The following CLK4 variants were observed in gnomAD, a reference collection of about 807,000 sequenced individuals.
The protein encoded by CLK4 is CDC like kinase 4.
CLK4 carries 37 observed loss-of-function variants against 64.4 expected under a neutral mutation model. The ratio of observed to expected loss-of-function variants is 0.57; its 90% CI spans 0.44 to 0.76. The LOEUF (loss-of-function observed/expected upper bound fraction) is 0.76, where lower values mean the gene tolerates loss of function less well. Among genes scored for constraint, CLK4 ranks in the 30% least tolerant of loss-of-function variants. The pLI is 0.00. For synonymous variants in CLK4, 175 were observed against 191.6 expected (o/e 0.91, Z 0.72); for missense variants, 457 against 605.1 (o/e 0.76, Z 2.57).
Position 178,613,611 on chromosome 5 carries a change from C to G in CLK4, c.688G>C (p.Asp230His). The change falls in exon 7 of 13, where the codon GAT (aspartate) becomes CAT (histidine). Residue 230 changes from aspartate to histidine, a missense_variant. By Grantham distance (81) the Asp-to-His change is moderately conservative (BLOSUM62 -1). Transcript: ENST00000316308. Reference protein sequence around the residue: ...FRCVQMLEWFDHHGHVCIVFE... With the variant: ...FRCVQMLEWFHHHGHVCIVFE... ...ACAATACAAACATGACCATGATGAT[C>G]AAACCATTCTAGCATCTGGACACAT... 2 of 1,609,500 alleles carry G rather than the reference C, an allele frequency of 1.2e-6. No individual in the cohort carries two copies. The highest frequency in any genetic ancestry group is 1.7e-6 in the Non-Finnish European group (2 of 1,178,694).
chr5:178,625,422 C>CA (rs58734641), intron 1 of CLK4, among the ~76,000 whole-genome samples: 184 of 121,500 alleles, frequency 1.5e-3, no homozygotes, highest in African/African-American at 2.7e-3. Flanking sequence ...GACCCTGTCT[C>CA]AAAAAAAAAA....
chr5:178,608,509 C>G (rs771954687), intron 9 of CLK4, 51 bp from the exon 10 acceptor site: 69 of 1,392,964 alleles, frequency 5.0e-5, no homozygotes, highest in Non-Finnish European at 6.8e-5. Context: ...TTTTAATTGA[C>G]AGTACATTAA....
At chr5:178,607,585 A>G (rs1251847326) in intron 10 of CLK4, among the ~76,000 whole-genome samples, 1 of 130,844 alleles carries the variant, frequency 7.6e-6, no homozygotes, top group Admixed American at 9.8e-5. Flanking sequence ...GATCTCGCTC[A>G]CTGCAAGCTC....
At chr5:178,606,996 A>C (rs555385721) in intron 10 of CLK4, among the ~76,000 whole-genome samples, 1 of 152,140 alleles carries the variant, frequency 6.6e-6, no homozygotes, top group East Asian at 1.9e-4. Flanking sequence ...TTCAGATGTA[A>C]GTACAACTTA....
chr5:178,610,983 G>A (rs1764549075), intron 9 of CLK4, among the ~76,000 whole-genome samples: 3 of 151,438 alleles, frequency 2.0e-5, no homozygotes, highest in Admixed American at 1.3e-4. Context: ...TGAGTTAGGA[G>A]AATCGCGCGA....
intron 2 of CLK4, chr5:178,622,467 A>C: frequency 1.0e-6 from 1 of 982,502 alleles, no homozygotes; most frequent in Non-Finnish European, 1.2e-6. Context: ...CATCTGCACA[A>C]AACGAGAAAA....
Position 178,605,286 on chromosome 5 carries a change from T to C in CLK4, c.1214+17A>G, listed in dbSNP as rs1394840938. The C allele has an allele frequency of 1.3e-6, 2 of 1,524,286 alleles. No homozygotes were observed. Among genetic ancestry groups the C allele is most frequent in the South Asian group, 1.2e-5 (1 of 81,096 alleles). The allele number at this position is 1,524,286 out of a possible 1,614,324, so 94.4% of individuals were successfully genotyped here. On this transcript the variant is annotated intron_variant, in intron 11 of 12. Transcript: ENST00000316308. ...TATTGCACATATCCAACAAAAGTCT[T>C]GAATCTTAAAACATACCTTGTTTTC...
chr5:178,625,893 C>A (rs910633631), intron 1 of CLK4, among the ~76,000 whole-genome samples: 1 of 152,224 alleles, frequency 6.6e-6, no homozygotes, highest in African/African-American at 2.4e-5. Flanking sequence ...ACCCGACCCA[C>A]GTTCTACGTG....
chr5:178,618,935 A>C (rs1379639517), intron 2 of CLK4, among the ~76,000 whole-genome samples, 157 bp from the exon 3 acceptor site: 1 of 152,252 alleles, frequency 6.6e-6, no homozygotes, highest in Non-Finnish European at 1.5e-5. Context: ...ATAAAGCTTA[A>C]GAAATAATTT....
chr5:178,613,304 C>T (rs6890462), intron 7 of CLK4, among the ~76,000 whole-genome samples, 169 bp downstream of exon 7: 1,678 of 152,060 alleles, frequency 0.011, 28 homozygotes, highest in African/African-American at 0.039. Context: ...GCCTGTAGTC[C>T]CAGCTACTCG....
At chr5:178,606,611 T>A (rs1019392858) in intron 10 of CLK4, among the ~76,000 whole-genome samples, 3 of 152,142 alleles carry the variant, frequency 2.0e-5, no homozygotes, top group African/African-American at 7.2e-5. Flanking sequence ...AACACCTCGA[T>A]CATACCATGA....
intron 1 of CLK4, 149 bp downstream of exon 1, chr5:178,626,797 C>CAA: frequency 6.6e-6 from 1 of 152,524 alleles, no homozygotes; most frequent in South Asian, 2.1e-4. Context: ...TCGGTGCTGC[C>CAA]GGCGTGCACC....
In CLK4 at chr5:178,623,258, A is replaced by G. The variant is rs553637913; in HGVS notation, c.159T>C (p.Asp53=). ...TAGTAGTTCAAGAGTTAATTTACCA[A>G]TCAGATTCTTTAAACTGGTGATGTG... The part of the protein sequence containing the change: ...CKPHHQFKES[D]CHYLEARSLN... The change falls in exon 2 of 13, where the codon GAT becomes GAC. Residue 53 remains aspartate (D), a splice_region_variant and synonymous_variant. Transcript: ENST00000316308. The G allele has an allele frequency of 6.2e-7, 1 of 1,613,262 alleles. No homozygotes were observed. The highest frequency in any genetic ancestry group is 1.7e-5 in the Admixed American group (1 of 59,910).
At chr5:178,608,283 G>C (rs1764495573) in intron 10 of CLK4, 93 bp downstream of exon 10, 4 of 835,728 alleles carry the variant, frequency 4.8e-6, no homozygotes, top group Non-Finnish European at 7.6e-6. Flanking sequence ...AATGATGTAT[G>C]GCAATTTTCC....
intron 1 of CLK4, among the ~76,000 whole-genome samples, chr5:178,624,212 G>A (rs1764748914): frequency 6.6e-6 from 1 of 152,232 alleles, no homozygotes; most frequent in Non-Finnish European, 1.5e-5. Context: ...GCCGGGTACG[G>A]TGGCTCATGC....
Position 178,618,477 on chromosome 5 carries a change from A to T in CLK4, c.384+79T>A, listed in dbSNP as rs190222727. 578 of 557,720 alleles carry T rather than the reference A, an allele frequency of 1.0e-3. 3 individuals carry two copies. The highest frequency in any genetic ancestry group is 5.4e-3 in the South Asian group (119 of 22,024). The allele number at this position is 557,720 out of a possible 1,614,324, so 34.5% of individuals were successfully genotyped here. A position where few individuals can be genotyped will look rare whatever the true frequency, so the allele number is the denominator to read the frequency against. ...ATAGTATTTTATATATATATATATA[A>T]AAAATTAGAAACTTATCAGCTCGTT... On this transcript the variant is annotated intron_variant, in intron 3 of 12. Coordinates refer to ENST00000316308, the MANE Select transcript of CLK4 (RefSeq NM_020666.3).
rs1334960380 is a variant in CLK4, at chr5:178,603,535, A to C, written c.*82T>G. 3.0e-6 allele frequency: 3 copies of C among 1,009,076 alleles called. No individual in the cohort carries two copies. In the African/African-American group the frequency reaches 4.9e-5, roughly 17 times the overall value. The allele number at this position is 1,009,076 out of a possible 1,614,324, so 62.5% of individuals were successfully genotyped here. On this transcript the variant is annotated 3_prime_UTR_variant, in exon 13 of 13. Transcript: ENST00000316308. ...TACAAAATAATTTAATGTTTACAAA[A>C]ATATTAGAATGTTTAGTTGACTGAC... is the stretch of plus-strand genomic sequence containing the variant.
In CLK4 at chr5:178,613,998, A is replaced by C. The variant is rs776464272; in HGVS notation, c.543-155T>G. Among the ~76,000 whole-genome samples the C allele has an allele frequency of 8.5e-5, 13 of 152,366 alleles. 1 individual carries two copies. The highest frequency in any genetic ancestry group is 8.5e-4 in the Admixed American group (13 of 15,300). ...AGCAGATTCCATATAACATCTTCTT[A>C]AAACATTTTGATAAAATACTTTATA... On this transcript the variant is annotated intron_variant, in intron 5 of 12. Transcript: ENST00000316308.
chr5:178,619,694 A>G, intron 2 of CLK4: 1 of 994,558 alleles, frequency 1.0e-6, no homozygotes, highest in Non-Finnish European at 1.3e-6. Context: ...TCTCTTTCCT[A>G]AGAAACACAT....
Sources: allele counts gnomAD v4.1 joint callset (sites outside exome capture counted in the v4.1 genomes callset), GRCh38; gene constraint gnomAD v4.1.1; transcripts MANE v1.5; gene names NCBI Gene and HGNC (gene_info 2026-07-23, HGNC 2026-07-21).